CDH13: variants seen among roughly 807,000 people sequenced by gnomAD.
CDH13 encodes the protein cadherin 13.
Under a neutral mutation model 63.8 loss-of-function variants are expected in CDH13, and 24 were observed. The observed-to-expected ratio is 0.38, with a 90% CI of 0.27 to 0.53. CDH13 has a LOEUF of 0.53. CDH13 is among the 20% of genes least tolerant of loss of function. The pLI is 0.85. For synonymous variants in CDH13, 503 were observed against 355.3 expected, an observed-to-expected ratio of 1.42 and a Z score of -4.67; for missense variants, 1,049 against 903.1, an observed-to-expected ratio of 1.16 and a Z score of -2.07.
rs150151665 is a variant in CDH13 at position 83,165,617 on chromosome 16, T to C, written c.483+40116T>C. Among the ~76,000 whole-genome samples the C allele has an allele frequency of 1.2e-3, 179 of 152,050 alleles. 4 individuals carry two copies. The Middle Eastern group carries it at 0.02, about 17-fold the overall frequency. Reference sequence around the variant, plus strand: ...AGGGTAGGGATGATGAGACCTGGAATTGATGACCTCAGCAGAGAAGGGGAG... The same window carrying C: ...AGGGTAGGGATGATGAGACCTGGAACTGATGACCTCAGCAGAGAAGGGGAG... On this transcript the variant is annotated intron_variant, in intron 4 of 13. Coordinates refer to ENST00000567109, the MANE Select transcript of CDH13 (RefSeq NM_001257.5).
chr16:83,445,876 C>G (rs2072672277), intron 6 of CDH13, among the ~76,000 whole-genome samples: 1 of 152,114 alleles, frequency 6.6e-6, no homozygotes, highest in African/African-American at 2.4e-5. Flanking sequence ...GAAGATGATT[C>G]CTACAAACCA....
chr16:83,498,968 A>T (rs4461060), intron 7 of CDH13, among the ~76,000 whole-genome samples: 148,805 of 152,258 alleles, frequency 0.98, 72,804 homozygotes, highest in East Asian at 1. Flanking sequence ...AAATCAATAC[A>T]GGTCATTTGT....
At chr16:82,849,863 C>A (rs1445777944) in intron 1 of CDH13, among the ~76,000 whole-genome samples, 1 of 152,198 alleles carries the variant, frequency 6.6e-6, no homozygotes, top group Non-Finnish European at 1.5e-5. Context: ...GATGACAGTA[C>A]ATCTGTTTAC....
chr16:83,529,784 A>T (rs943479623), intron 7 of CDH13, among the ~76,000 whole-genome samples: 73 of 152,366 alleles, frequency 4.8e-4, no homozygotes, highest in Admixed American at 9.1e-4. Context: ...TATTGATTTT[A>T]AAAAAGATGA....
chr16:82,679,607 C>G (rs144896755), intron 1 of CDH13, among the ~76,000 whole-genome samples: 2 of 152,256 alleles, frequency 1.3e-5, no homozygotes, highest in Admixed American at 6.5e-5. Context: ...ATCAGACTCC[C>G]CTGGTTTTGG....
At chr16:83,180,095 T>C (rs2038287015) in intron 4 of CDH13, among the ~76,000 whole-genome samples, 1 of 152,176 alleles carries the variant, frequency 6.6e-6, no homozygotes, top group African/African-American at 2.4e-5. Flanking sequence ...TAGTGATTGT[T>C]GTGTTTTTAA....
At chr16:82,712,997 C>T (rs1041276327) in intron 1 of CDH13, among the ~76,000 whole-genome samples, 1 of 152,068 alleles carries the variant, frequency 6.6e-6, no homozygotes, top group African/African-American at 2.4e-5. Context: ...CAATGTCCTA[C>T]TCCCTGGGTG....
chr16:83,097,289 A>G (rs1160376268), intron 3 of CDH13, among the ~76,000 whole-genome samples: 1 of 152,196 alleles, frequency 6.6e-6, no homozygotes, highest in Non-Finnish European at 1.5e-5. Context: ...ATTGTCTCTA[A>G]TCTGTTATAA....
At chr16:83,481,716 A>C (rs993093559) in intron 6 of CDH13, among the ~76,000 whole-genome samples, 1 of 152,172 alleles carries the variant, frequency 6.6e-6, no homozygotes, top group Non-Finnish European at 1.5e-5. Flanking sequence ...CTGCTAGTTC[A>C]TCTGGCTCAG....
At chr16:83,413,221 A>G (rs1014730710) in intron 6 of CDH13, among the ~76,000 whole-genome samples, 1 of 152,178 alleles carries the variant, frequency 6.6e-6, no homozygotes, top group Non-Finnish European at 1.5e-5. Context: ...TTATTGTAGA[A>G]CCCATTAAAT....
At chr16:83,710,185 G>C (rs1907802229) in intron 10 of CDH13, 1 of 152,196 alleles carries the variant, frequency 6.6e-6, no homozygotes, top group Admixed American at 6.5e-5. Flanking sequence ...CCAGATGTCA[G>C]GGGGGACAAT....
intron 7 of CDH13, among the ~76,000 whole-genome samples, chr16:83,537,879 A>ATTCTAAAAGAATAT (rs1263352346): frequency 6.6e-6 from 1 of 152,204 alleles, no homozygotes; most frequent in Non-Finnish European, 1.5e-5. Flanking sequence ...TTTATACCAT[A>ATTCTAAAAGAATAT]ACTATATTCA....
chr16:83,533,009 A>G (rs2075113747), intron 7 of CDH13, among the ~76,000 whole-genome samples: 2 of 152,184 alleles, frequency 1.3e-5, no homozygotes, highest in Non-Finnish European at 2.9e-5. Context: ...GAAGCTAACT[A>G]CAATTGTCAG....
intron 10 of CDH13, among the ~76,000 whole-genome samples, chr16:83,732,682 G>C (rs1000439576): frequency 1.3e-5 from 2 of 152,174 alleles, no homozygotes; most frequent in African/African-American, 4.8e-5. Flanking sequence ...TCCTCATACA[G>C]AGGGAGGCTT....
At chr16:82,965,649 G>C (rs72790186) in intron 2 of CDH13, among the ~76,000 whole-genome samples, 23,154 of 151,922 alleles carry the variant, frequency 0.15, 1,853 homozygotes, top group Middle Eastern at 0.2. Flanking sequence ...TCCTGCCATG[G>C]CCAGTATTAT....
chr16:83,727,005 C>G (rs1299550762), intron 10 of CDH13, among the ~76,000 whole-genome samples: 1 of 152,144 alleles, frequency 6.6e-6, no homozygotes, highest in Non-Finnish European at 1.5e-5. Flanking sequence ...CCATGTATAA[C>G]AGCTGTATTG....
intron 6 of CDH13, among the ~76,000 whole-genome samples, chr16:83,473,184 C>G (rs932074044): frequency 1.8e-4 from 27 of 152,094 alleles, no homozygotes; most frequent in African/African-American, 6.0e-4. Context: ...CATAAAGCAA[C>G]TCCTTCTAAT....
At chr16:83,077,835 G>C (rs2032957283) in intron 3 of CDH13, among the ~76,000 whole-genome samples, 1 of 152,202 alleles carries the variant, frequency 6.6e-6, no homozygotes, top group African/African-American at 2.4e-5. Context: ...CGTGAGAGCA[G>C]TGACGGCTTT....
chr16:82,933,205 C>G (rs1409606161), intron 2 of CDH13, among the ~76,000 whole-genome samples: 1 of 152,028 alleles, frequency 6.6e-6, no homozygotes, highest in Admixed American at 6.6e-5. Context: ...TTAATTGATT[C>G]ATGGTTTTGC....
Sources: allele counts gnomAD v4.1 joint callset (sites outside exome capture counted in the v4.1 genomes callset), GRCh38; gene constraint gnomAD v4.1.1; transcripts MANE v1.5; gene names NCBI Gene and HGNC (gene_info 2026-07-23, HGNC 2026-07-21).